The following PAWR variants were observed in gnomAD, a reference collection of about 807,000 sequenced individuals.
PAWR encodes PRKC apoptosis WT1 regulator protein.
In PAWR, 23 loss-of-function variants were observed where a neutral mutation model predicts 32.0. The observed-to-expected ratio is 0.72, with a 90% CI of 0.52 to 1.02. PAWR has a LOEUF of 1.02. PAWR is among the 50% of genes least tolerant of loss of function. The pLI is 0.00. For synonymous variants in PAWR, 226 were observed against 187.1 expected (o/e 1.21, Z -1.70); for missense variants, 457 against 437.7 (o/e 1.04, Z -0.39).
At chr12:79,605,106 T>C (rs538447259) in intron 4 of PAWR, among the ~76,000 whole-genome samples, 2 of 152,280 alleles carry the variant, frequency 1.3e-5, no homozygotes, top group South Asian at 4.1e-4. Context: ...CTCTCCTCCA[T>C]TTTACATAAA....
At chr12:79,609,868 T>C (rs113058165) in intron 4 of PAWR, among the ~76,000 whole-genome samples, 10 of 152,180 alleles carry the variant, frequency 6.6e-5, no homozygotes, top group Non-Finnish European at 1.2e-4. Flanking sequence ...AAGCCGTCCA[T>C]GGATGGCAAA....
intron 4 of PAWR, among the ~76,000 whole-genome samples, chr12:79,609,576 G>A (rs1874345202): frequency 6.6e-6 from 1 of 152,040 alleles, no homozygotes; most frequent in Non-Finnish European, 1.5e-5. Flanking sequence ...AGAGAGGAGA[G>A]GAAGAGAAGA....
Position 79,600,747 on chromosome 12 carries a change from G to A in PAWR, c.684-4089C>T, listed in dbSNP as rs184808751. 1.3e-3 allele frequency among the ~76,000 whole-genome samples: 194 copies of A among 145,260 alleles called. 2 individuals carry two copies. The highest frequency in any genetic ancestry group is 5.0e-3 in the African/African-American group (190 of 38,018). On this transcript the variant is annotated intron_variant, in intron 4 of 6. Coordinates refer to ENST00000328827, the MANE Select transcript of PAWR (RefSeq NM_002583.4). ...CAAGCTATCCTCCTGCCTTGGTCTT[G>A]GGATTACAGGCATAAGCCAGCCACA...
At chr12:79,595,561 A>T (rs886686517) in intron 5 of PAWR, among the ~76,000 whole-genome samples, 4 of 152,200 alleles carry the variant, frequency 2.6e-5, no homozygotes, top group Non-Finnish European at 5.9e-5. Flanking sequence ...ATTATGAAAT[A>T]ATAGGCTGGG....
intron 2 of PAWR, among the ~76,000 whole-genome samples, chr12:79,663,757 T>C (rs991049492): frequency 1.3e-5 from 2 of 151,254 alleles, no homozygotes; most frequent in African/African-American, 4.9e-5. Flanking sequence ...TGAGACTCTG[T>C]CTCAAACAAA....
chr12:79,686,745 A>G (rs1307292363), intron 2 of PAWR, among the ~76,000 whole-genome samples: 1 of 152,208 alleles, frequency 6.6e-6, no homozygotes, highest in Non-Finnish European at 1.5e-5. Context: ...ACTCAGGTCA[A>G]GATTCTCATC....
At chr12:79,629,172 C>A (rs1044170871) in intron 2 of PAWR, among the ~76,000 whole-genome samples, 1 of 151,928 alleles carries the variant, frequency 6.6e-6, no homozygotes, top group Non-Finnish European at 1.5e-5. Flanking sequence ...TTATTAAATG[C>A]ACATGATCTA....
chr12:79,649,596 G>A (rs73345514), intron 2 of PAWR, among the ~76,000 whole-genome samples: 1,680 of 152,024 alleles, frequency 0.011, 41 homozygotes, highest in African/African-American at 0.038. Flanking sequence ...AGACCAGCCC[G>A]GTGCAACATA....
chr12:79,617,777 A>G (rs1303875039), intron 3 of PAWR, among the ~76,000 whole-genome samples: 1 of 152,126 alleles, frequency 6.6e-6, no homozygotes, highest in Admixed American at 6.6e-5. Flanking sequence ...TGTAATCTCC[A>G]GTGTTGAAGG....
At chr12:79,689,145 T>A (rs1314808493) in intron 2 of PAWR, among the ~76,000 whole-genome samples, 1 of 152,208 alleles carries the variant, frequency 6.6e-6, no homozygotes, top group Non-Finnish European at 1.5e-5. Context: ...AGAAAAACAC[T>A]GTGTGTTTAG....
rs374921636 is a variant in PAWR, at chr12:79,642,205, A to C, written c.517-20998T>G. ...CTGCTTAATAGATAAGACTACATAC[A>C]AGAAAATTAGTATTTCTTGAAAGCT... On this transcript the variant is annotated intron_variant, in intron 2 of 6. Transcript: ENST00000328827. Among the ~76,000 whole-genome samples the C allele has an allele frequency of 2.6e-5, 4 of 152,220 alleles. No homozygotes were observed. In the East Asian group the frequency reaches 5.8e-4, roughly 22 times the overall value.
At chr12:79,597,316 C>T (rs1467317232) in intron 4 of PAWR, among the ~76,000 whole-genome samples, 2 of 152,252 alleles carry the variant, frequency 1.3e-5, no homozygotes, top group East Asian at 1.9e-4. Flanking sequence ...CCACCCACCT[C>T]GGCCTCCCAA....
intron 2 of PAWR, among the ~76,000 whole-genome samples, chr12:79,639,689 T>C (rs1041671847): frequency 3.9e-5 from 6 of 152,188 alleles, no homozygotes; most frequent in African/African-American, 1.4e-4. Flanking sequence ...AAATTAAAAG[T>C]TTAGGTCTAT....
At chr12:79,613,044 T>A (rs1230406525) in intron 4 of PAWR, among the ~76,000 whole-genome samples, 1 of 152,146 alleles carries the variant, frequency 6.6e-6, no homozygotes, top group Non-Finnish European at 1.5e-5. Flanking sequence ...ATGCGATTAG[T>A]TCCTTTATAA....
intron 2 of PAWR, among the ~76,000 whole-genome samples, chr12:79,650,666 T>A (rs1565690492): frequency 6.7e-6 from 1 of 150,372 alleles, no homozygotes; most frequent in Non-Finnish European, 1.5e-5. Context: ...TGTGGCTGTG[T>A]TCCAGTAAAA....
At chr12:79,615,795 A>G (rs867403080) in intron 3 of PAWR, among the ~76,000 whole-genome samples, 3 of 152,104 alleles carry the variant, frequency 2.0e-5, no homozygotes, top group South Asian at 4.1e-4. Flanking sequence ...AGTGGCTCAT[A>G]CCTGTAATCC....
At chr12:79,685,076 TCTA>T (rs1878620562) in intron 2 of PAWR, among the ~76,000 whole-genome samples, 1 of 152,232 alleles carries the variant, frequency 6.6e-6, no homozygotes, top group Admixed American at 6.5e-5. Context: ...ATAAATGTCA[TCTA>T]CTTTAATTAT....
In PAWR at chr12:79,594,330, CTATT is replaced by C; in HGVS notation, c.931_934del (p.Asn311GlufsTer3). ...CCTGAAATATGGTGAAATACTTACTCTATTTAATAAATCAATTTCTTCTTTGAGT... is the reference window on the plus strand; with the variant it reads ...CCTGAAATATGGTGAAATACTTACTCTAATAAATCAATTTCTTCTTTGAGT... On this transcript the variant is annotated frameshift_variant and splice_region_variant, in exon 6 of 7. Transcript: ENST00000328827. LOFTEE classifies it high-confidence loss of function. The C allele has an allele frequency of 1.5e-6, 2 of 1,331,528 alleles. No homozygotes were observed. Among genetic ancestry groups the C allele is most frequent in the East Asian group, 4.7e-5 (2 of 42,718 alleles). The allele number at this position is 1,331,528 out of a possible 1,614,324, so 82.5% of individuals were successfully genotyped here. A position where few individuals can be genotyped will look rare whatever the true frequency, so the allele number is the denominator to read the frequency against.
At chr12:79,680,346 T>A (rs1228139991) in intron 2 of PAWR, among the ~76,000 whole-genome samples, 1 of 152,194 alleles carries the variant, frequency 6.6e-6, no homozygotes, top group South Asian at 2.1e-4. Context: ...CAATTTCAGA[T>A]AACCTTCCTC....
Sources: gnomAD v4.1 joint callset for allele counts (sites outside exome capture counted in the v4.1 genomes callset) on GRCh38, gnomAD v4.1.1 for gene constraint, MANE v1.5 for transcripts, NCBI Gene and HGNC (gene_info 2026-07-23, HGNC 2026-07-21) for gene names.